The following DNAAF1 variants were observed in gnomAD, a reference collection of about 807,000 sequenced individuals.
The protein encoded by DNAAF1 is dynein assembly factor 1, axonemal.
Under a neutral mutation model 71.1 loss-of-function variants are expected in DNAAF1, and 65 were observed. The observed-to-expected ratio is 0.91, with a 90% CI of 0.75 to 1.12. DNAAF1 has a LOEUF of 1.12. Among genes scored for constraint, DNAAF1 ranks in the 50% most tolerant of loss-of-function variants. DNAAF1 has a pLI of 0.00. For missense variants in DNAAF1, 1,178 were observed against 899.8 expected, an observed-to-expected ratio of 1.31 and a Z score of -3.96; for synonymous variants, 414 against 354.6, an observed-to-expected ratio of 1.17 and a Z score of -1.88.
intron 2 of DNAAF1, 54 bp downstream of exon 2, chr16:84,149,196 T>G (rs1344464218): frequency 2.7e-5 from 43 of 1,603,876 alleles, no homozygotes; most frequent in Non-Finnish European, 3.7e-5. Context: ...GTAGATGGCG[T>G]AATCACCCCC....
chr16:84,177,180 T>A (rs898905979), intron 11 of DNAAF1: 1 of 185,140 alleles, frequency 5.4e-6, no homozygotes, highest in African/African-American at 2.4e-5. Context: ...TGAGTGGCCT[T>A]CTCTTCCACT....
At chr16:84,174,342 A>T (rs1387307138) in intron 9 of DNAAF1, 14 of 1,257,990 alleles carry the variant, frequency 1.1e-5, no homozygotes, top group Admixed American at 3.5e-5. Flanking sequence ...ACAGAGGTGC[A>T]TTTGGTTTGG....
In DNAAF1 at chr16:84,170,191, G is replaced by A. The variant is rs1190362161; in HGVS notation, c.1363G>A (p.Val455Ile). The A allele has an allele frequency of 1.2e-6, 2 of 1,611,928 alleles. No homozygotes were observed. Among genetic ancestry groups the A allele is most frequent in the African/African-American group, 2.7e-5 (2 of 74,774 alleles). The change falls in exon 8 of 12, where the codon GTT (valine) becomes ATT (isoleucine). Residue 455 changes from valine (V) to isoleucine (I), a missense_variant. By Grantham distance (29) the Val-to-Ile change is conservative (BLOSUM62 3). Transcript: ENST00000378553. ...EAPPPPPPVE[V>I]KGEDGDQEPE... is the part of the protein sequence containing the mutation. The stretch of plus-strand genomic sequence containing the variant: ...CCCACCACCCCCGCCACCTGTGGAG[G>A]TTAAAGGAGAGGATGGAGATCAAGA...
At chr16:84,167,259 G>T (rs1379642680) in intron 7 of DNAAF1, among the ~76,000 whole-genome samples, 1 of 152,198 alleles carries the variant, frequency 6.6e-6, no homozygotes, top group East Asian at 1.9e-4. Context: ...GGAAGGGTCT[G>T]TGGGAAGGGG....
At chr16:84,159,299 T>C in intron 5 of DNAAF1, 1 of 1,063,492 alleles carries the variant, frequency 9.4e-7, no homozygotes, top group Non-Finnish European at 1.2e-6. Context: ...GGATCCTGGC[T>C]GGGAAGAAAA....
At chr16:84,159,631 C>T (rs757243208) in intron 5 of DNAAF1, 44 bp from the exon 6 acceptor site, 91 of 1,572,568 alleles carry the variant, frequency 5.8e-5, no homozygotes, top group Admixed American at 9.3e-5. Flanking sequence ...ATAATTCAAT[C>T]GCATCTTTCA....
intron 6 of DNAAF1, among the ~76,000 whole-genome samples, chr16:84,165,515 A>C (rs959207347): frequency 2.6e-5 from 4 of 152,024 alleles, no homozygotes; most frequent in African/African-American, 9.7e-5. Flanking sequence ...TATTTATGGT[A>C]TACTTTGCAT....
chr16:84,176,622 A>C, intron 11 of DNAAF1: 2 of 421,912 alleles, frequency 4.7e-6, no homozygotes, highest in South Asian at 2.2e-5. Context: ...GTGCATTTCC[A>C]CCCCCTCCTC....
chr16:84,154,538 G>A (rs1399023788), intron 3 of DNAAF1, 39 bp from the exon 4 acceptor site: 3 of 1,588,648 alleles, frequency 1.9e-6, no homozygotes, highest in East Asian at 4.5e-5. Context: ...TCTGCCCTGG[G>A]AGTAGGAGCT....
chr16:84,172,162 C>T (rs2088391427), intron 8 of DNAAF1, 98 bp from the exon 9 acceptor site: 1 of 1,147,864 alleles, frequency 8.7e-7, no homozygotes, highest in African/African-American at 1.5e-5. Context: ...CAGGCATGAG[C>T]CACCGAGCCC....
intron 9 of DNAAF1, chr16:84,173,353 A>G: frequency 1.6e-6 from 1 of 625,758 alleles, no homozygotes; most frequent in Non-Finnish European, 2.0e-6. Flanking sequence ...AGTCCCAGCT[A>G]CTTGGGAGGC....
chr16:84,161,336 C>A lies in DNAAF1; in HGVS notation c.863+1540C>A, dbSNP rs557598919. On this transcript the variant is annotated intron_variant, in intron 6 of 11. Coordinates refer to ENST00000378553, the MANE Select transcript of DNAAF1 (RefSeq NM_178452.6). ...CATGGATGTTAGCAATAGGAGCCAC[C>A]GCCCTTTAGAGCATAGCCCAAGACT... is the stretch of plus-strand genomic sequence containing the variant. 2.0e-5 allele frequency among the ~76,000 whole-genome samples: 3 copies of A among 152,274 alleles called. No homozygotes were observed. The East Asian group carries it at 5.8e-4, about 29-fold the overall frequency.
At chr16:84,148,533 A>T (rs1248375538) in intron 1 of DNAAF1, among the ~76,000 whole-genome samples, 1 of 149,714 alleles carries the variant, frequency 6.7e-6, no homozygotes, top group Admixed American at 6.7e-5. Flanking sequence ...TGAAATTTAC[A>T]TAGTCTTTGC....
rs776318844 is a variant in DNAAF1, at chr16:84,175,964, C to A, written c.1730C>A (p.Ser577Ter). ...TGCTTTCCGAAGATTGAGGTCATCTCGAGCTTGAGTGATGACAGTGACCCT... is the reference window on the plus strand; with the variant it reads ...TGCTTTCCGAAGATTGAGGTCATCTAGAGCTTGAGTGATGACAGTGACCCT... ...NMCFPKIEVI[S>*]SLSDDSDPEL... Residue 577 changes from serine (S) to a stop codon, truncating the protein, a stop_gained, in exon 11 of 12, where the codon TCG becomes TAG. Coordinates refer to ENST00000378553, the MANE Select transcript of DNAAF1 (RefSeq NM_178452.6). LOFTEE classifies it high-confidence loss of function. 1 of 1,614,064 alleles carries A rather than the reference C, an allele frequency of 6.2e-7. No individual in the cohort carries two copies. The highest frequency in any genetic ancestry group is 1.3e-5 in the African/African-American group (1 of 74,934).
In DNAAF1 at chr16:84,145,593, G is replaced by A. The variant is rs368976578; in HGVS notation, c.124+29G>A. On this transcript the variant is annotated intron_variant, in intron 1 of 11. Coordinates refer to ENST00000378553, the MANE Select transcript of DNAAF1 (RefSeq NM_178452.6). ...CCGACTGCCCCCCAGGGAGGGCGGT[G>A]GGCGAGGGGCAGACACGGCTAGGCG... 1.9e-6 allele frequency: 3 copies of A among 1,541,356 alleles called. No individual in the cohort carries two copies. In the African/African-American group the frequency reaches 4.1e-5, roughly 21 times the overall value.
chr16:84,175,761 T>G, intron 10 of DNAAF1, 172 bp from the exon 11 acceptor site: 1 of 757,348 alleles, frequency 1.3e-6, no homozygotes, highest in South Asian at 1.6e-5. Context: ...GCCCAGGGAG[T>G]GGCCACCCCC....
chr16:84,147,909 TA>T (rs1247243521), intron 1 of DNAAF1, among the ~76,000 whole-genome samples: 1 of 151,972 alleles, frequency 6.6e-6, no homozygotes, highest in East Asian at 1.9e-4. Context: ...CTACTAAAAA[TA>T]CAAAAAAATT....
intron 5 of DNAAF1, among the ~76,000 whole-genome samples, chr16:84,156,445 G>A (rs1377292809): frequency 6.6e-6 from 1 of 152,194 alleles, no homozygotes; most frequent in Admixed American, 6.5e-5. Flanking sequence ...ACCTTGAGGT[G>A]TGTCAGGTCC....
intron 9 of DNAAF1, 28 bp downstream of exon 9, chr16:84,172,403 AAGTATC>A (rs761921189): frequency 5.5e-5 from 88 of 1,611,838 alleles, no homozygotes; most frequent in Non-Finnish European, 7.1e-5. Flanking sequence ...TCTTGGAGAT[AAGTATC>A]AGTTTTACTG....
Sources: gnomAD v4.1 joint callset for allele counts (sites outside exome capture counted in the v4.1 genomes callset) on GRCh38, gnomAD v4.1.1 for gene constraint, MANE v1.5 for transcripts, NCBI Gene and HGNC (gene_info 2026-07-23, HGNC 2026-07-21) for gene names.